Variants in BOD1L1 observed in about 807,000 individuals in gnomAD.
BOD1L1 encodes the protein biorientation of chromosomes in cell division 1 like 1.
BOD1L1 carries 86 observed loss-of-function variants against 240.7 expected under a neutral mutation model. That is an observed-to-expected ratio of 0.36 (90% CI 0.30 to 0.43). The LOEUF (loss-of-function observed/expected upper bound fraction) is 0.43, where lower values mean the gene tolerates loss of function less well. Among genes scored for constraint, BOD1L1 ranks in the 20% least tolerant of loss-of-function variants. The probability of loss-of-function intolerance (pLI) is 1.00; values close to 1 mark genes in which losing one functional copy is unlikely to be tolerated. For missense variants in BOD1L1, 3,554 were observed against 3,643.5 expected, an observed-to-expected ratio of 0.98 and a Z score of 0.63; for synonymous variants, 1,268 against 1,272.3, an observed-to-expected ratio of 1.00 and a Z score of 0.07.
At chr4:13,596,784 GA>G (rs1714653610) in intron 11 of BOD1L1, among the ~76,000 whole-genome samples, 2 of 152,132 alleles carry the variant, frequency 1.3e-5, no homozygotes, top group African/African-American at 4.8e-5. Context: ...GATGACTGTA[GA>G]AACAGAAATA....
chr4:13,625,907 G>T (rs1198455248), intron 1 of BOD1L1: 1 of 152,108 alleles, frequency 6.6e-6, no homozygotes, highest in Non-Finnish European at 1.5e-5. Flanking sequence ...CCTTATAAAG[G>T]AAGATGTACC....
At chr4:13,609,807 T>C (rs1047463174) in intron 6 of BOD1L1, among the ~76,000 whole-genome samples, 4 of 152,192 alleles carry the variant, frequency 2.6e-5, no homozygotes, top group East Asian at 1.9e-4. Context: ...ACTGTTCTTA[T>C]AGAAAACAGT....
intron 1 of BOD1L1, 21 bp from the exon 2 acceptor site, chr4:13,620,088 G>T: frequency 1.3e-6 from 2 of 1,584,136 alleles, no homozygotes; most frequent in Non-Finnish European, 1.7e-6. Context: ...AAAAACGAAG[G>T]TAAGTCTTCA....
In BOD1L1 at chr4:13,599,689, G is replaced by C. The variant is rs1424043660; in HGVS notation, c.7211C>G (p.Thr2404Ser). ...KEPGPVLAVS[T>S]EEGHNGPSVH... ...TGATGGCCCGTTGTGCCCCTCCTCGGTGCTCACTGCCAACACGGGACCCGG... is the reference window on the plus strand; with the variant it reads ...TGATGGCCCGTTGTGCCCCTCCTCGCTGCTCACTGCCAACACGGGACCCGG... Residue 2404 changes from threonine (T) to serine (S), a missense_variant, in exon 10 of 26, where the codon ACC (threonine) becomes AGC (serine). Physicochemically the swap from Thr to Ser is moderately conservative, Grantham distance 58 (BLOSUM62 1). This residue lies in a region of BOD1L1 where 3,393 missense variants were observed against 3,427.1 expected (regional missense o/e 0.99). Transcript: ENST00000040738. 4 of 1,613,738 alleles carry C rather than the reference G, an allele frequency of 2.5e-6. No individual in the cohort carries two copies. The highest frequency in any genetic ancestry group is 3.4e-6 in the Non-Finnish European group (4 of 1,179,874).
intron 1 of BOD1L1, among the ~76,000 whole-genome samples, chr4:13,623,049 T>G (rs1386008044): frequency 6.6e-6 from 1 of 152,172 alleles, no homozygotes; most frequent in African/African-American, 2.4e-5. Flanking sequence ...GCCCCTTCAA[T>G]TCCTTCACAG....
chr4:13,584,439 A>T (rs370480951), intron 17 of BOD1L1, among the ~76,000 whole-genome samples: 22 of 118,294 alleles, frequency 1.9e-4, no homozygotes, highest in South Asian at 8.1e-4. Context: ...AAAGAGAGAG[A>T]GAGTGTGTGT....
intron 25 of BOD1L1, among the ~76,000 whole-genome samples, chr4:13,572,189 G>A (rs570080773): frequency 4.6e-5 from 7 of 152,250 alleles, no homozygotes; most frequent in South Asian, 2.1e-4. Context: ...GAAGCGGGAC[G>A]GAAAGGATCT....
intron 13 of BOD1L1, among the ~76,000 whole-genome samples, chr4:13,591,426 A>C (rs1456339628): frequency 1.3e-5 from 2 of 152,266 alleles, no homozygotes; most frequent in East Asian, 3.9e-4. Flanking sequence ...TAAAATGTTC[A>C]CTCCTGGTAC....
chr4:13,586,444 T>C lies in BOD1L1; in HGVS notation c.8385A>G (p.Ile2795Met). 6.2e-7 allele frequency: 1 copy of C among 1,612,046 alleles called. No individual in the cohort carries two copies. Among genetic ancestry groups the C allele is most frequent in the Non-Finnish European group, 8.5e-7 (1 of 1,178,734 alleles). The change falls in exon 17 of 26, where the codon ATA becomes ATG. Residue 2795 changes from isoleucine (I) to methionine (M), a missense_variant. Physicochemically the swap from Ile to Met is conservative, Grantham distance 10. Around this residue, in one of 2 missense-constraint regions of BOD1L1, gnomAD observed 3,393 missense variants for 3,427.1 expected, o/e 0.99. Transcript: ENST00000040738. ...DDNPDVLDSR[I>M]ETAQRQCPET... ...CAGGACACTGCCTTTGTGCTGTTTC[T>C]ATTCTGGAATCCAGGACATCTGGAT...
intron 25 of BOD1L1, among the ~76,000 whole-genome samples, chr4:13,572,322 G>A (rs1712273880): frequency 6.6e-6 from 1 of 152,246 alleles, no homozygotes; most frequent in Admixed American, 6.5e-5. Flanking sequence ...AAAGGTGTAA[G>A]CTGGCAGGGG....
At chr4:13,624,260 G>C (rs1717234891) in intron 1 of BOD1L1, 1 of 151,988 alleles carries the variant, frequency 6.6e-6, no homozygotes, top group Non-Finnish European at 1.5e-5. Flanking sequence ...GTTTAAGCTA[G>C]CGTCTGAGCA....
rs770911834 is a variant in BOD1L1, at chr4:13,615,469, A to T, written c.402T>A (p.Ile134=). Residue 134 remains isoleucine (I), a synonymous_variant, in exon 3 of 26, where the codon ATT becomes ATA. Transcript: ENST00000040738. ...TCTTTGGGTCCACAACCTGAGAAAT[A>T]ATTCGGTCAATACCAGACTCCAACA... The part of the protein sequence containing the change: ...SGMLESGIDR[I]ISQVVDPKIN... The T allele has an allele frequency of 1.9e-6, 3 of 1,612,618 alleles. No individual in the cohort carries two copies. Among genetic ancestry groups the T allele is most frequent in the South Asian group, 1.1e-5 (1 of 90,880 alleles).
Position 13,614,757 on chromosome 4 carries a change from A to G in BOD1L1, c.613T>C (p.Leu205=), listed in dbSNP as rs117677697. The change falls in exon 4 of 26, where the codon TTG becomes CTG. Residue 205 remains leucine, a synonymous_variant. Transcript: ENST00000040738. Reference sequence around the variant, plus strand: ...TGGTTAAGAGAAGTTATGGTTTCCAATATCGACATGGCATCATTGGCTACA... The same window carrying G: ...TGGTTAAGAGAAGTTATGGTTTCCAGTATCGACATGGCATCATTGGCTACA... ...ANVANDAMSI[L]ETITSLNQEA... 3.7e-4 allele frequency: 593 copies of G among 1,613,848 alleles called. 6 individuals are homozygous for G. In the East Asian group the frequency reaches 7.0e-3, roughly 19 times the overall value.
chr4:13,604,010 G>T lies in BOD1L1; in HGVS notation c.2890C>A (p.Pro964Thr), dbSNP rs751422634. 1.9e-6 allele frequency: 3 copies of T among 1,613,880 alleles called. No homozygotes were observed. The highest frequency in any genetic ancestry group is 2.5e-6 in the Non-Finnish European group (3 of 1,179,858). Residue 964 changes from proline to threonine, a missense_variant, in exon 10 of 26, where the codon CCT becomes ACT. Around this residue, in one of 2 missense-constraint regions of BOD1L1, gnomAD observed 3,393 missense variants for 3,427.1 expected, o/e 0.99. Coordinates refer to ENST00000040738, the MANE Select transcript of BOD1L1 (RefSeq NM_148894.3). ...KQRKSKVEDK[P>T]FEETGVEPVL... The stretch of plus-strand genomic sequence containing the variant: ...GGTTCAACACCAGTTTCTTCAAAAG[G>T]TTTGTCTTCAACTTTAGACTTACGC...
In BOD1L1 at chr4:13,610,990, T is replaced by C; in HGVS notation, c.1435A>G (p.Lys479Glu). The C allele has an allele frequency of 6.2e-7, 1 of 1,612,732 alleles. No individual in the cohort carries two copies. The highest frequency in any genetic ancestry group is 8.5e-7 in the Non-Finnish European group (1 of 1,179,180). The change falls in exon 6 of 26, where the codon AAA (lysine) becomes GAA (glutamate). Residue 479 changes from lysine to glutamate, a missense_variant. By Grantham distance (56) the Lys-to-Glu change is moderately conservative. Transcript: ENST00000040738. Reference sequence around the variant, plus strand: ...TCATCATCAGAATCACTATAGTATTTTGAGTAAAGATATGGTTTGTGGACA... The same window carrying C: ...TCATCATCAGAATCACTATAGTATTCTGAGTAAAGATATGGTTTGTGGACA... ...AYVHKPYLYSKYYSDSDDELT... is the reference protein window; with the variant it reads ...AYVHKPYLYSEYYSDSDDELT...
rs756381042 is a variant in BOD1L1 at position 13,600,306 on chromosome 4, G to T, written c.6594C>A (p.Pro2198=). ...ADFEGPMPSA[P]PEAESPLAST... ...AGGCAAGAGGACTTTCAGCTTCTGG[G>T]GGCGCACTGGGCATAGGCCCCTCAA... The change falls in exon 10 of 26, where the codon CCC becomes CCA. Residue 2198 remains proline, a synonymous_variant. Transcript: ENST00000040738. 7 of 1,613,910 alleles carry T rather than the reference G, an allele frequency of 4.3e-6. No homozygotes were observed. The highest frequency in any genetic ancestry group is 1.1e-5 in the South Asian group (1 of 91,084).
intron 2 of BOD1L1, among the ~76,000 whole-genome samples, chr4:13,618,310 AG>A (rs2108992616): frequency 6.6e-6 from 1 of 152,350 alleles, no homozygotes; most frequent in African/African-American, 2.4e-5. Flanking sequence ...GTGAACAGGG[AG>A]GTGGCTATGC....
At position 13,614,264 on chromosome 4, in the gene BOD1L1, A is replaced by G. The variant is rs938715192; in HGVS notation, c.1106T>C (p.Val369Ala). The change falls in exon 4 of 26, where the codon GTA (valine) becomes GCA (alanine). Residue 369 changes from valine (V) to alanine (A), a missense_variant. By Grantham distance (64) the Val-to-Ala change is moderately conservative. Transcript: ENST00000040738. Reference protein sequence around the residue: ...KDEKQAKEKEVESLKLPSEKN... With the variant: ...KDEKQAKEKEAESLKLPSEKN... ...TTCTGAAGGAAGTTTTAAACTCTCT[A>G]CTTCTTTTTCCTTTGCTTGTTTTTC... is the stretch of plus-strand genomic sequence containing the variant. 27 of 1,544,664 alleles carry G rather than the reference A, an allele frequency of 1.7e-5. No homozygotes were observed. Among genetic ancestry groups the G allele is most frequent in the Non-Finnish European group, 2.3e-5 (26 of 1,144,838 alleles).
At chr4:13,590,569 G>T (rs1401146208) in intron 13 of BOD1L1, 123 bp from the exon 14 acceptor site, 7 of 444,200 alleles carry the variant, frequency 1.6e-5, no homozygotes, top group Non-Finnish European at 2.1e-5. Flanking sequence ...AGGAATTGGG[G>T]TACATATTCT....
Sources: gnomAD v4.1 joint callset for allele counts (sites outside exome capture counted in the v4.1 genomes callset) on GRCh38, gnomAD v4.1.1 for gene constraint, gnomAD v4.1.1 regional missense constraint, MANE v1.5 for transcripts, NCBI Gene and HGNC (gene_info 2026-07-23, HGNC 2026-07-21) for gene names.